Variants in PLCL2 observed in about 807,000 individuals in gnomAD.
PLCL2 encodes the protein inactive phospholipase C-like protein 2.
In PLCL2, 4 loss-of-function variants were observed where a neutral mutation model predicts 79.6. The observed-to-expected ratio is 0.05, with a 90% CI of 0.02 to 0.11. The LOEUF is 0.11. Among genes scored for constraint, PLCL2 ranks in the 10% least tolerant of loss-of-function variants. PLCL2 has a pLI of 1.00. For missense variants in PLCL2, 895 were observed against 1,291.0 expected, an observed-to-expected ratio of 0.69 and a Z score of 4.70; for synonymous variants, 484 against 457.7, an observed-to-expected ratio of 1.06 and a Z score of -0.73.
In PLCL2 at chr3:17,039,955, C is replaced by G. The variant is rs576798683; in HGVS notation, c.3019-2919C>G. Among the ~76,000 whole-genome samples the G allele has an allele frequency of 6.6e-5, 10 of 152,328 alleles. 1 individual carries two copies. The highest frequency in any genetic ancestry group is 2.4e-4 in the African/African-American group (10 of 41,574). ...GGCTGTCAACATGGATACCATTACA[C>G]TACAAGTGCTTCACCATTAAATATC... On this transcript the variant is annotated intron_variant, in intron 3 of 5. Coordinates refer to ENST00000615277, the MANE Select transcript of PLCL2 (RefSeq NM_001144382.2).
chr3:16,909,439 C>T (rs1696823964), intron 1 of PLCL2, among the ~76,000 whole-genome samples: 1 of 152,196 alleles, frequency 6.6e-6, no homozygotes, highest in African/African-American at 2.4e-5. Context: ...ACATTTAGCA[C>T]AGGGTTTGGC....
At chr3:16,927,307 A>G (rs1697279984) in intron 1 of PLCL2, among the ~76,000 whole-genome samples, 1 of 152,218 alleles carries the variant, frequency 6.6e-6, no homozygotes, top group Non-Finnish European at 1.5e-5. Context: ...GCTCCATAAT[A>G]TTATGCTACA....
chr3:17,083,558 T>C (rs1422265079), intron 5 of PLCL2, among the ~76,000 whole-genome samples: 1 of 152,180 alleles, frequency 6.6e-6, no homozygotes, highest in Non-Finnish European at 1.5e-5. Context: ...TGTGTTTTAA[T>C]TTGAGCTCTC....
At chr3:17,044,622 A>G (rs1050703846) in intron 4 of PLCL2, among the ~76,000 whole-genome samples, 1 of 152,218 alleles carries the variant, frequency 6.6e-6, no homozygotes, top group Non-Finnish European at 1.5e-5. Flanking sequence ...CATCTGTTCT[A>G]ACATTCTGCA....
At chr3:16,954,203 AGT>A (rs1401753687) in intron 1 of PLCL2, among the ~76,000 whole-genome samples, 1 of 151,924 alleles carries the variant, frequency 6.6e-6, no homozygotes, top group Non-Finnish European at 1.5e-5. Context: ...CAGTCACTGG[AGT>A]GTGATGTTGC....
At chr3:17,072,901 C>T (rs966311603) in intron 5 of PLCL2, among the ~76,000 whole-genome samples, 4 of 152,126 alleles carry the variant, frequency 2.6e-5, no homozygotes, top group Non-Finnish European at 5.9e-5. Context: ...ATAAAGCCAG[C>T]GGGTGTCTTT....
intron 1 of PLCL2, among the ~76,000 whole-genome samples, chr3:16,954,587 C>T (rs1324217868): frequency 1.3e-5 from 2 of 151,972 alleles, no homozygotes; most frequent in Admixed American, 6.6e-5. Context: ...TTCTAGATCC[C>T]TGAGGAATCC....
chr3:16,979,570 C>T (rs56247459), intron 1 of PLCL2, among the ~76,000 whole-genome samples: 9,024 of 88,144 alleles, frequency 0.1, 828 homozygotes, highest in Middle Eastern at 0.19. Context: ...AAGCATCTGT[C>T]TAACAAAGCA....
intron 2 of PLCL2, among the ~76,000 whole-genome samples, chr3:17,014,216 T>A (rs1195651730): frequency 6.6e-6 from 1 of 152,198 alleles, no homozygotes; most frequent in Non-Finnish European, 1.5e-5. Flanking sequence ...CCTCAAAGGT[T>A]CTTTAGATTT....
In PLCL2 at chr3:17,014,913, T is replaced by A. The variant is rs1411099729; in HGVS notation, c.3018+2T>A. ...AAGATCGTAACAACTTATGACATGG[T>A]GAGTTGTCCTTTGTCCGTTTACATA... On this transcript the variant is annotated splice_donor_variant, in intron 3 of 5. Coordinates refer to ENST00000615277, the MANE Select transcript of PLCL2 (RefSeq NM_001144382.2). LOFTEE classifies it high-confidence loss of function. The A allele has an allele frequency of 6.2e-7, 1 of 1,611,598 alleles. No individual in the cohort carries two copies. The highest frequency in any genetic ancestry group is 8.5e-7 in the Non-Finnish European group (1 of 1,178,064).
At chr3:17,071,282 G>A (rs2065058170) in intron 5 of PLCL2, among the ~76,000 whole-genome samples, 1 of 152,128 alleles carries the variant, frequency 6.6e-6, no homozygotes, top group Non-Finnish European at 1.5e-5. Context: ...AAGGATGTCT[G>A]TCCCAGTTTT....
chr3:17,046,088 G>A (rs2064777686), intron 4 of PLCL2, among the ~76,000 whole-genome samples: 1 of 152,118 alleles, frequency 6.6e-6, no homozygotes. Flanking sequence ...GGGCCGCCAT[G>A]GGAGTGAGAA....
At chr3:16,915,185 G>A (rs1022088043) in intron 1 of PLCL2, among the ~76,000 whole-genome samples, 1 of 152,174 alleles carries the variant, frequency 6.6e-6, no homozygotes, top group Non-Finnish European at 1.5e-5. Context: ...CATAAGCTGA[G>A]CAATGCATAA....
At chr3:17,032,918 T>G (rs1207534509) in intron 3 of PLCL2, among the ~76,000 whole-genome samples, 1 of 152,106 alleles carries the variant, frequency 6.6e-6, no homozygotes, top group Non-Finnish European at 1.5e-5. Context: ...CGCTTCTAAG[T>G]GTGTGAATAT....
At chr3:17,055,545 T>TATTC (rs1263949483) in intron 4 of PLCL2, among the ~76,000 whole-genome samples, 32 of 152,326 alleles carry the variant, frequency 2.1e-4, no homozygotes, top group African/African-American at 7.7e-4. Context: ...CCACATCATA[T>TATTC]ATTCACAGAG....
chr3:16,965,166 G>A (rs150581498), intron 1 of PLCL2, among the ~76,000 whole-genome samples: 4,332 of 152,286 alleles, frequency 0.028, 229 homozygotes, highest in African/African-American at 0.1. Context: ...TAACATTTAA[G>A]TCTTTAATCC....
intron 4 of PLCL2, among the ~76,000 whole-genome samples, chr3:17,060,007 A>G (rs909729396): frequency 9.2e-5 from 14 of 152,050 alleles, no homozygotes; most frequent in African/African-American, 3.1e-4. Flanking sequence ...TCTGGGTCTA[A>G]CAGAACTCCT....
intron 1 of PLCL2, among the ~76,000 whole-genome samples, chr3:16,933,626 CTT>C (rs150685556): frequency 6.7e-6 from 1 of 148,188 alleles, no homozygotes; most frequent in African/African-American, 2.5e-5. Flanking sequence ...ATTTTTATTT[CTT>C]TTTTTTTTAA....
At chr3:16,971,021 A>G (rs1480676524) in intron 1 of PLCL2, among the ~76,000 whole-genome samples, 8 of 151,872 alleles carry the variant, frequency 5.3e-5, no homozygotes, top group Admixed American at 5.3e-4. Flanking sequence ...TTGCCTGTTC[A>G]CTCTGATGGT....
Sources: allele counts gnomAD v4.1 joint callset (sites outside exome capture counted in the v4.1 genomes callset), GRCh38; gene constraint gnomAD v4.1.1; transcripts MANE v1.5; gene names NCBI Gene and HGNC (gene_info 2026-07-23, HGNC 2026-07-21).